CP: variants seen among roughly 807,000 people sequenced by gnomAD.
CP encodes ceruloplasmin, also known as caeruloplasmin.
A neutral mutation model predicts 122.4 loss-of-function variants in CP; 64 were observed. The observed-to-expected ratio is 0.52, with a 90% confidence interval of 0.43 to 0.64. The LOEUF (loss-of-function observed/expected upper bound fraction) is 0.64. CP is among the 30% of genes least tolerant of loss of function. CP has a pLI of 0.00. For synonymous variants in CP, 440 were observed against 436.4 expected, an observed-to-expected ratio of 1.01 and a Z score of -0.10; for missense variants, 1,167 against 1,284.4, an observed-to-expected ratio of 0.91 and a Z score of 1.40.
intron 1 of CP, among the ~76,000 whole-genome samples, chr3:149,215,646 C>T (rs1728420085): frequency 6.6e-6 from 1 of 152,176 alleles, no homozygotes; most frequent in South Asian, 2.1e-4. Flanking sequence ...ATTAGGGGCT[C>T]TCTATTTAAT....
intron 13 of CP, among the ~76,000 whole-genome samples, chr3:149,182,673 C>T (rs1725863013): frequency 1.3e-5 from 2 of 152,114 alleles, no homozygotes; most frequent in Admixed American, 1.3e-4. Context: ...AAAGTGAGTC[C>T]TAAAAAATTG....
intron 9 of CP, among the ~76,000 whole-genome samples, chr3:149,195,782 T>G (rs1726860389): frequency 6.7e-6 from 1 of 150,198 alleles, no homozygotes; most frequent in African/African-American, 2.5e-5. Context: ...AGAAGAATGG[T>G]GTGAACCCAG....
At chr3:149,168,128 G>T, downstream of CP, 2 of 641,086 alleles carry the variant, frequency 3.1e-6, no homozygotes, top group Non-Finnish European at 5.7e-6. Flanking sequence ...CAGCATTCAC[G>T]TACCCTCCCC....
chr3:149,186,567 A>G lies in CP; in HGVS notation c.2030T>C (p.Leu677Pro), dbSNP rs149158988. The change falls in exon 11 of 19, where the codon CTC becomes CCC. Residue 677 changes from leucine (L) to proline (P), a missense_variant. By Grantham distance (98) the Leu-to-Pro change is moderately conservative. This residue lies in a region of CP where 525 missense variants were observed against 657.2 expected (regional missense o/e 0.80). Transcript: ENST00000264613. ...GAGCGTAAGACTTGTTTGAGGGAAG[A>G]GGTTTGCTGTGTCTCTCCGTTCTCC... ...WRGERRDTAN[L>P]FPQTSLTLHM... 5.2e-5 allele frequency: 84 copies of G among 1,614,066 alleles called. No homozygotes were observed. The highest frequency in any genetic ancestry group is 7.0e-5 in the Non-Finnish European group (83 of 1,180,040).
intron 9 of CP, among the ~76,000 whole-genome samples, chr3:149,196,080 T>C (rs540786945): frequency 5.9e-5 from 9 of 152,132 alleles, no homozygotes; most frequent in Non-Finnish European, 1.2e-4. Flanking sequence ...AAATCTCTAG[T>C]GGGATCTACC....
chr3:149,194,837 A>G (rs1726791847), intron 9 of CP, among the ~76,000 whole-genome samples: 1 of 152,214 alleles, frequency 6.6e-6, no homozygotes, highest in Non-Finnish European at 1.5e-5. Flanking sequence ...GGTTCAGTAG[A>G]AAGAATAAGG....
Position 149,207,604 on chromosome 3 carries a change from G to A in CP, c.795C>T (p.Tyr265=), listed in dbSNP as rs1029542633. The A allele has an allele frequency of 3.7e-6, 6 of 1,613,716 alleles. No homozygotes were observed. Among genetic ancestry groups the A allele is most frequent in the African/African-American group, 1.3e-5 (1 of 74,884 alleles). ...ESNRMYSVNG[Y]TFGSLPGLSM... is the part of the protein sequence containing the mutation. The stretch of plus-strand genomic sequence containing the variant: ...AGAGTCCTGGGAGACTTCCAAAAGT[G>A]TATCCATTCACAGCTGTAAGTCAAG... Residue 265 remains tyrosine (Y), a synonymous_variant, in exon 5 of 19, where the codon TAC becomes TAT. Coordinates refer to ENST00000264613, the MANE Select transcript of CP (RefSeq NM_000096.4).
chr3:149,193,938 G>A (rs1166104191), intron 9 of CP, among the ~76,000 whole-genome samples: 1 of 152,196 alleles, frequency 6.6e-6, no homozygotes, highest in Non-Finnish European at 1.5e-5. Context: ...AGGCCTTCCT[G>A]TGTTGTGATT....
rs373879991 is a variant in CP, at chr3:149,175,208, A to G, written c.3181+1042T>C. 2.4e-4 allele frequency among the ~76,000 whole-genome samples: 37 copies of G among 152,218 alleles called. No individual in the cohort carries two copies. In the East Asian group the frequency reaches 6.6e-3, roughly 27 times the overall value. On this transcript the variant is annotated intron_variant, in intron 18 of 18. Coordinates refer to ENST00000264613, the MANE Select transcript of CP (RefSeq NM_000096.4). ...TGGTTGCAAGTGTTATTTAAAGACT[A>G]AAGTTTTCTTTCTCATATTTGGCTC...
intron 9 of CP, among the ~76,000 whole-genome samples, chr3:149,194,594 A>G (rs1726773117): frequency 7.7e-6 from 1 of 130,606 alleles, no homozygotes; most frequent in Admixed American, 9.2e-5. Context: ...AAATAAAAAT[A>G]AAACATCTCA....
At chr3:149,201,064 G>A (rs565775323) in intron 7 of CP, among the ~76,000 whole-genome samples, 169 of 152,282 alleles carry the variant, frequency 1.1e-3, no homozygotes, top group African/African-American at 3.9e-3. Flanking sequence ...GGCAGCCTGC[G>A]GAGGGCTCTA....
At chr3:149,220,519 G>C (rs1256082757) in intron 1 of CP, among the ~76,000 whole-genome samples, 1 of 151,784 alleles carries the variant, frequency 6.6e-6, no homozygotes, top group Non-Finnish European at 1.5e-5. Flanking sequence ...AGATGTATTA[G>C]TTTTATTTAC....
At chr3:149,162,910 CT>C in intron 5 of CP, 1 of 1,527,404 alleles carries the variant, frequency 6.5e-7, no homozygotes, top group Non-Finnish European at 9.1e-7. Flanking sequence ...TTAAATTTAA[CT>C]CATGCATTGC....
At chr3:149,200,230 C>T (rs1727209433) in intron 7 of CP, among the ~76,000 whole-genome samples, 1 of 152,152 alleles carries the variant, frequency 6.6e-6, no homozygotes, top group African/African-American at 2.4e-5. Context: ...AAACTCTGAC[C>T]ACCCAAAGCA....
At chr3:149,197,433 A>G (rs1287717022) in intron 9 of CP, among the ~76,000 whole-genome samples, 5 of 152,176 alleles carry the variant, frequency 3.3e-5, no homozygotes, top group African/African-American at 1.2e-4. Flanking sequence ...TCAGTAGCTG[A>G]TAACATCCCC....
Position 149,175,797 on chromosome 3 carries a change from C to T in CP, c.3181+453G>A, listed in dbSNP as rs545317512. 3.3e-5 allele frequency among the ~76,000 whole-genome samples: 5 copies of T among 151,862 alleles called. No individual in the cohort carries two copies. In the South Asian group the frequency reaches 1.0e-3, roughly 32 times the overall value. On this transcript the variant is annotated intron_variant, in intron 18 of 18. Transcript: ENST00000264613. ...AATTATCGGTAAGGTTCCTCCTTCC[C>T]CTTGGAAGCACAGAAAAGACACTGC... is the stretch of plus-strand genomic sequence containing the variant.
chr3:149,165,448 G>A (rs1724319113), intron 5 of CP, among the ~76,000 whole-genome samples: 1 of 151,756 alleles, frequency 6.6e-6, no homozygotes, highest in Non-Finnish European at 1.5e-5. Context: ...AATCTTTGCT[G>A]TTGAAGGAGA....
chr3:149,209,236 G>A lies in CP; in HGVS notation c.756C>T (p.Asp252=). 2 of 1,613,768 alleles carry A rather than the reference G, an allele frequency of 1.2e-6. No individual in the cohort carries two copies. The highest frequency in any genetic ancestry group is 1.7e-6 in the Non-Finnish European group (2 of 1,179,750). ...EPEKVDKDNE[D]FQESNRMYSV... ...AATACATTCTGTTACTCTCCTGGAA[G>A]TCTTCGTTGTCTTTGTCAACTTTCT... Residue 252 remains aspartate, a synonymous_variant, in exon 4 of 19, where the codon GAC becomes GAT. Coordinates refer to ENST00000264613, the MANE Select transcript of CP (RefSeq NM_000096.4).
At chr3:149,187,797 G>A in intron 10 of CP, 1 of 448,444 alleles carries the variant, frequency 2.2e-6, no homozygotes, top group East Asian at 4.2e-5. Flanking sequence ...AAGTCCCTCA[G>A]TGATGCTGAG....
Sources: allele counts gnomAD v4.1 joint callset (sites outside exome capture counted in the v4.1 genomes callset), GRCh38; gene constraint gnomAD v4.1.1; regional missense constraint gnomAD v4.1.1; transcripts MANE v1.5; gene names NCBI Gene and HGNC (gene_info 2026-07-23, HGNC 2026-07-21).